ADAMTSL1: variants seen among roughly 807,000 people sequenced by gnomAD.
ADAMTSL1 encodes ADAMTS-like protein 1.
ADAMTSL1 carries 126 observed loss-of-function variants against 201.8 expected under a neutral mutation model. That is an observed-to-expected ratio of 0.62 (90% confidence interval 0.54 to 0.72). ADAMTSL1 has a LOEUF of 0.72. Ranked by LOEUF, ADAMTSL1 falls within the 30% of genes least tolerant of loss-of-function variation. The probability of loss-of-function intolerance (pLI) is 0.00; values close to 1 mark genes in which losing one functional copy is unlikely to be tolerated. For missense variants in ADAMTSL1, 2,679 were observed against 2,277.8 expected, an observed-to-expected ratio of 1.18 and a Z score of -3.59; for synonymous variants, 1,121 against 903.4, an observed-to-expected ratio of 1.24 and a Z score of -4.32.
intron 14 of ADAMTSL1, among the ~76,000 whole-genome samples, chr9:18,717,410 T>C (rs1249646314): frequency 2.0e-5 from 3 of 152,056 alleles, no homozygotes; most frequent in Admixed American, 2.0e-4. Context: ...ACTGTCTCCA[T>C]AGGTTTTTGA....
At chr9:18,427,455 A>G (rs1243483651) in intron 2 of ADAMTSL1, among the ~76,000 whole-genome samples, 2 of 152,266 alleles carry the variant, frequency 1.3e-5, no homozygotes, top group African/African-American at 4.8e-5. Flanking sequence ...TTCTATATCT[A>G]AACAAATTAT....
chr9:18,366,591 CTAT>C lies in ADAMTSL1; in HGVS notation c.208-138233_208-138231del, dbSNP rs549536520. On this transcript the variant is annotated intron_variant, in intron 2 of 29. Coordinates refer to the ADAMTSL1 transcript ENST00000680146. ...ATTATTTTCTTTTCCAACAAAAACA[CTAT>C]TATTTAAATGGATAGTGCCTCTGAA... is the stretch of plus-strand genomic sequence containing the variant. 1.5e-4 allele frequency among the ~76,000 whole-genome samples: 22 copies of C among 142,980 alleles called. No homozygotes were observed. In the South Asian group the frequency reaches 4.9e-3, roughly 32 times the overall value. 93.8% of individuals were successfully genotyped at this position (142,980 alleles called of 152,430 possible).
At chr9:18,767,601 G>A (rs1820438269) in intron 16 of ADAMTSL1, among the ~76,000 whole-genome samples, 1 of 152,250 alleles carries the variant, frequency 6.6e-6, no homozygotes, top group South Asian at 2.1e-4. Flanking sequence ...TAGATAAATG[G>A]AATTCTTAGC....
At chr9:18,468,111 T>C (rs999116082) in intron 2 of ADAMTSL1, among the ~76,000 whole-genome samples, 5 of 152,212 alleles carry the variant, frequency 3.3e-5, no homozygotes, top group Non-Finnish European at 5.9e-5. Flanking sequence ...ACAGTTTATT[T>C]GTTGCCAAGA....
At chr9:17,952,847 A>G (rs1182743866) in intron 1 of ADAMTSL1, among the ~76,000 whole-genome samples, 1 of 152,114 alleles carries the variant, frequency 6.6e-6, no homozygotes, top group Non-Finnish European at 1.5e-5. Flanking sequence ...TTTAGCAACT[A>G]TAATTTAAAT....
intron 23 of ADAMTSL1, among the ~76,000 whole-genome samples, chr9:18,882,202 G>A (rs1305387825): frequency 6.6e-6 from 1 of 152,094 alleles, no homozygotes; most frequent in African/African-American, 2.4e-5. Flanking sequence ...AGGACTATGA[G>A]AAAATATGAA....
At chr9:18,600,919 G>A (rs1036978272) in intron 4 of ADAMTSL1, among the ~76,000 whole-genome samples, 2 of 152,160 alleles carry the variant, frequency 1.3e-5, no homozygotes, top group Middle Eastern at 6.8e-3. Flanking sequence ...TCTTCCTGTT[G>A]ATTCCAACCC....
At chr9:18,144,429 C>T (rs1826540201) in intron 1 of ADAMTSL1, among the ~76,000 whole-genome samples, 1 of 152,106 alleles carries the variant, frequency 6.6e-6, no homozygotes, top group South Asian at 2.1e-4. Context: ...TGGTCTCGAG[C>T]TCCTGACCTC....
chr9:17,933,420 G>T (rs920985018), intron 1 of ADAMTSL1, among the ~76,000 whole-genome samples: 1 of 152,142 alleles, frequency 6.6e-6, no homozygotes, highest in South Asian at 2.1e-4. Context: ...TTTTTCCAGA[G>T]ATAGGGCAGG....
At chr9:18,707,278 T>G (rs1832285794) in intron 14 of ADAMTSL1, among the ~76,000 whole-genome samples, 1 of 152,226 alleles carries the variant, frequency 6.6e-6, no homozygotes, top group African/African-American at 2.4e-5. Flanking sequence ...AACAAATGCT[T>G]TGGCTTTCAG....
chr9:18,397,402 C>G (rs1817798377), intron 2 of ADAMTSL1, among the ~76,000 whole-genome samples: 1 of 151,988 alleles, frequency 6.6e-6, no homozygotes, highest in East Asian at 1.9e-4. Flanking sequence ...ATTAAAGATG[C>G]TGTTACATGC....
intron 2 of ADAMTSL1, among the ~76,000 whole-genome samples, chr9:18,422,543 G>A (rs927714359): frequency 6.6e-6 from 1 of 152,112 alleles, no homozygotes; most frequent in Non-Finnish European, 1.5e-5. Context: ...ACAGACAACA[G>A]GCTCCGCTAC....
At position 17,918,594 on chromosome 9, in the gene ADAMTSL1, G is replaced by A. The variant is rs145517152; in HGVS notation, c.87+11672G>A. Among the ~76,000 whole-genome samples the A allele has an allele frequency of 2.8e-3, 425 of 151,852 alleles. 3 individuals carry two copies. Among genetic ancestry groups the A allele is most frequent in the African/African-American group, 9.8e-3 (407 of 41,514 alleles). On this transcript the variant is annotated intron_variant, in intron 1 of 29. Transcript: ENST00000680146. Reference sequence around the variant, plus strand: ...TAACTGTTCTGTGTACACTTGAAAAGAATTAAACTTTCTACAAATTTGTGC... The same window carrying A: ...TAACTGTTCTGTGTACACTTGAAAAAAATTAAACTTTCTACAAATTTGTGC...
At chr9:18,173,827 C>G (rs982083282) in intron 2 of ADAMTSL1, among the ~76,000 whole-genome samples, 1 of 152,048 alleles carries the variant, frequency 6.6e-6, no homozygotes, top group African/African-American at 2.4e-5. Context: ...TTTCACGTTT[C>G]ATATTGTGAG....
chr9:18,678,469 G>T (rs539223723), intron 10 of ADAMTSL1, among the ~76,000 whole-genome samples: 10 of 152,224 alleles, frequency 6.6e-5, no homozygotes, highest in African/African-American at 2.4e-4. Flanking sequence ...GTAGTTGTAT[G>T]CTGGGACCAT....
chr9:18,589,370 C>G (rs960007551), intron 4 of ADAMTSL1, among the ~76,000 whole-genome samples: 2 of 151,976 alleles, frequency 1.3e-5, no homozygotes, highest in South Asian at 2.1e-4. Flanking sequence ...ATTTATTTTT[C>G]AAATTGATCA....
At chr9:18,363,739 G>C (rs992592769) in intron 2 of ADAMTSL1, among the ~76,000 whole-genome samples, 2 of 152,136 alleles carry the variant, frequency 1.3e-5, no homozygotes, top group Non-Finnish European at 2.9e-5. Flanking sequence ...AATCAGAGCT[G>C]ACAACTCCTC....
chr9:18,848,612 C>T lies in ADAMTSL1; in HGVS notation c.4249+18635C>T, dbSNP rs577473475. ...AAAGATTTTCAAGGCACAGATCAGG[C>T]CCTCCATGCAGCCTCTTGGAGCACC... On this transcript the variant is annotated intron_variant, in intron 23 of 28. Transcript: ENST00000380548. Among the ~76,000 whole-genome samples, 139 of 152,300 alleles carry T rather than the reference C, an allele frequency of 9.1e-4. 2 individuals are homozygous for T. The highest frequency in any genetic ancestry group is 1.7e-3 in the Non-Finnish European group (116 of 68,028).
intron 1 of ADAMTSL1, among the ~76,000 whole-genome samples, chr9:18,057,267 G>A (rs926049614): frequency 3.9e-5 from 6 of 152,102 alleles, no homozygotes; most frequent in African/African-American, 1.2e-4. Flanking sequence ...TGAGTCAGAC[G>A]ATTTTTCCTT....
Sources: allele counts gnomAD v4.1 joint callset (sites outside exome capture counted in the v4.1 genomes callset), GRCh38; gene constraint gnomAD v4.1.1; transcripts MANE v1.5; gene names NCBI Gene and HGNC (gene_info 2026-07-23, HGNC 2026-07-21).